The following ZNF385D variants were observed in gnomAD, a reference collection of about 807,000 sequenced individuals.
The protein encoded by ZNF385D is zinc finger protein 659.
In ZNF385D, 15 loss-of-function variants were observed where a neutral mutation model predicts 35.8. The observed-to-expected ratio is 0.42, with a 90% CI of 0.28 to 0.64. The LOEUF is 0.64. Ranked by LOEUF, ZNF385D falls within the 30% of genes least tolerant of loss-of-function variation. The pLI, the probability that ZNF385D is intolerant of heterozygous loss-of-function variation, is 0.23. For missense variants in ZNF385D, 474 were observed against 494.6 expected, an observed-to-expected ratio of 0.96 and a Z score of 0.39; for synonymous variants, 212 against 186.8, an observed-to-expected ratio of 1.13 and a Z score of -1.10.
chr3:22,058,382 G>C (rs74709314), intron 3 of ZNF385D, among the ~76,000 whole-genome samples: 1 of 152,178 alleles, frequency 6.6e-6, no homozygotes, highest in Non-Finnish European at 1.5e-5. Context: ...TTCAAGCCAG[G>C]ATAGAACCCT....
At chr3:21,528,057 T>TAA (rs1172264795) in intron 3 of ZNF385D, among the ~76,000 whole-genome samples, 8 of 152,174 alleles carry the variant, frequency 5.3e-5, no homozygotes, top group African/African-American at 1.9e-4. Flanking sequence ...CCACAAGTAG[T>TAA]AAACGACAGA....
intron 2 of ZNF385D, among the ~76,000 whole-genome samples, chr3:22,359,151 A>T (rs1299791252): frequency 1.3e-5 from 2 of 151,808 alleles, no homozygotes; most frequent in Non-Finnish European, 2.9e-5. Context: ...AATTACTGGG[A>T]ACAAAATGAA....
At chr3:21,651,971 T>C (rs549972093) in intron 2 of ZNF385D, among the ~76,000 whole-genome samples, 2 of 152,310 alleles carry the variant, frequency 1.3e-5, no homozygotes, top group Admixed American at 1.3e-4. Flanking sequence ...CCATCCCTAC[T>C]CTGAAACTTG....
intron 2 of ZNF385D, among the ~76,000 whole-genome samples, chr3:21,640,235 T>C (rs915078949): frequency 2.6e-5 from 4 of 152,084 alleles, no homozygotes; most frequent in African/African-American, 9.7e-5. Context: ...ATGGTGGAAA[T>C]TGGGCCTTGT....
chr3:22,013,124 G>A (rs866288136), intron 3 of ZNF385D, among the ~76,000 whole-genome samples: 1 of 152,146 alleles, frequency 6.6e-6, no homozygotes. Context: ...GCAATCTGCA[G>A]AGGTTAAGGA....
intron 3 of ZNF385D, among the ~76,000 whole-genome samples, chr3:21,876,689 TATTTTTG>T (rs1559714345): frequency 1.3e-5 from 2 of 150,668 alleles, no homozygotes; most frequent in African/African-American, 4.9e-5. Context: ...AGTTTTCTTA[TATTTTTG>T]ATTTTTTTTT....
intron 3 of ZNF385D, among the ~76,000 whole-genome samples, chr3:21,877,137 T>TA (rs779628598): frequency 6.6e-6 from 1 of 152,054 alleles, no homozygotes; most frequent in Non-Finnish European, 1.5e-5. Flanking sequence ...AGGCAAAACT[T>TA]ACCATGTGGA....
chr3:21,854,625 C>T (rs1347120638), intron 3 of ZNF385D, among the ~76,000 whole-genome samples: 1 of 151,928 alleles, frequency 6.6e-6, no homozygotes, highest in African/African-American at 2.4e-5. Flanking sequence ...CCTGTAGCAG[C>T]ATCTTTTTGT....
At chr3:21,480,311 C>A (rs994300262) in intron 4 of ZNF385D, among the ~76,000 whole-genome samples, 1 of 152,070 alleles carries the variant, frequency 6.6e-6, no homozygotes. Context: ...CCATGTTGAT[C>A]AGGCTGATCT....
At chr3:21,647,297 G>A (rs541318529) in intron 2 of ZNF385D, among the ~76,000 whole-genome samples, 1 of 151,398 alleles carries the variant, frequency 6.6e-6, no homozygotes, top group African/African-American at 2.4e-5. Context: ...TTCAAATATG[G>A]CAGCAGTGAA....
intron 2 of ZNF385D, among the ~76,000 whole-genome samples, chr3:22,336,581 C>T (rs984080111): frequency 1.3e-5 from 2 of 151,988 alleles, no homozygotes; most frequent in African/African-American, 4.8e-5. Flanking sequence ...TCACATCTGA[C>T]AGCTATTTTC....
At chr3:22,190,557 G>A (rs989951598) in intron 2 of ZNF385D, among the ~76,000 whole-genome samples, 22 of 152,206 alleles carry the variant, frequency 1.4e-4, no homozygotes, top group Admixed American at 2.0e-4. Flanking sequence ...TGCTAATATC[G>A]TTAAGTTCTG....
intron 3 of ZNF385D, among the ~76,000 whole-genome samples, chr3:22,077,960 C>T (rs1700549080): frequency 6.6e-6 from 1 of 151,884 alleles, no homozygotes; most frequent in Non-Finnish European, 1.5e-5. Context: ...TGGCTGACAA[C>T]CTGAAAAGTC....
At chr3:22,241,230 C>A (rs1238209891) in intron 2 of ZNF385D, among the ~76,000 whole-genome samples, 1 of 151,166 alleles carries the variant, frequency 6.6e-6, no homozygotes, top group African/African-American at 2.4e-5. Flanking sequence ...AAAAACCAAG[C>A]ACAACACTGA....
intron 3 of ZNF385D, among the ~76,000 whole-genome samples, chr3:21,555,547 C>T (rs1055627100): frequency 1.9e-4 from 27 of 143,394 alleles, no homozygotes; most frequent in African/African-American, 5.4e-4. Flanking sequence ...ATGAATTCAT[C>T]CTTTTTTATG....
intron 3 of ZNF385D, among the ~76,000 whole-genome samples, chr3:22,156,958 A>T (rs1253910518): frequency 6.6e-6 from 1 of 152,158 alleles, no homozygotes; most frequent in Non-Finnish European, 1.5e-5. Context: ...GATCTCCCAC[A>T]GAGTTCGCCT....
chr3:21,751,538 A>C, upstream of ZNF385D: 3 of 727,178 alleles, frequency 4.1e-6, no homozygotes, highest in Non-Finnish European at 5.0e-6. Flanking sequence ...CCAAAATTTA[A>C]CCTCCTCTAC....
intron 1 of ZNF385D, among the ~76,000 whole-genome samples, chr3:21,698,559 C>T (rs116448980): frequency 0.012 from 1,832 of 152,044 alleles, 33 homozygotes; most frequent in African/African-American, 0.041. Flanking sequence ...CACCATTATG[C>T]AATATATCCA....
intron 1 of ZNF385D, among the ~76,000 whole-genome samples, chr3:21,745,781 T>C (rs1042276267): frequency 6.6e-6 from 1 of 152,186 alleles, no homozygotes; most frequent in Non-Finnish European, 1.5e-5. Context: ...AAAGTAGAAA[T>C]AGGCTTCTGC....
Sources: gnomAD v4.1 joint callset for allele counts (sites outside exome capture counted in the v4.1 genomes callset) on GRCh38, gnomAD v4.1.1 for gene constraint, MANE v1.5 for transcripts, NCBI Gene and HGNC (gene_info 2026-07-23, HGNC 2026-07-21) for gene names.